The following ERC2 variants were observed in gnomAD, a reference collection of about 807,000 sequenced individuals.
ERC2 encodes the protein ELKS/RAB6-interacting/CAST family member 2, also known as ERC protein 2.
ERC2 carries 42 observed loss-of-function variants against 114.8 expected under a neutral mutation model. The observed-to-expected ratio is 0.37, with a 90% CI of 0.29 to 0.47. The LOEUF is 0.47. Ranked by LOEUF, ERC2 falls within the 20% of genes least tolerant of loss-of-function variation. The pLI is 0.99. For missense variants in ERC2, 939 were observed against 1,150.7 expected (o/e 0.82, Z 2.66); for synonymous variants, 454 against 425.5 (o/e 1.07, Z -0.82).
chr3:55,973,185 T>C (rs949195707), intron 12 of ERC2, among the ~76,000 whole-genome samples: 1 of 152,164 alleles, frequency 6.6e-6, no homozygotes, highest in Admixed American at 6.5e-5. Context: ...TGTGACTCTC[T>C]GGAGGCTACT....
intron 6 of ERC2, among the ~76,000 whole-genome samples, chr3:56,087,359 A>C (rs2077559043): frequency 6.6e-6 from 1 of 152,196 alleles, no homozygotes; most frequent in African/African-American, 2.4e-5. Context: ...CCAAAATCAG[A>C]GTTAAGCATT....
chr3:56,318,029 A>G (rs1475542820), intron 2 of ERC2, among the ~76,000 whole-genome samples: 1 of 152,196 alleles, frequency 6.6e-6, no homozygotes, highest in African/African-American at 2.4e-5. Flanking sequence ...TCTGTTTCTC[A>G]TTGTTATAGC....
At chr3:55,567,787 C>T (rs2107509535) in intron 17 of ERC2, among the ~76,000 whole-genome samples, 1 of 152,254 alleles carries the variant, frequency 6.6e-6, no homozygotes, top group East Asian at 1.9e-4. Flanking sequence ...TTAGAGTCAT[C>T]ACCCATGAAG....
chr3:56,429,304 A>G lies in ERC2; in HGVS notation c.657+5047T>C, dbSNP rs116273335. On this transcript the variant is annotated intron_variant, in intron 2 of 17. Coordinates refer to ENST00000288221, the MANE Select transcript of ERC2 (RefSeq NM_015576.3). ...AACACCTATCCCAACAGCACAGGCC[A>G]CTAAAAATAATAAGGGGCTACCTCG... Among the ~76,000 whole-genome samples the G allele has an allele frequency of 3.2e-3, 490 of 152,302 alleles. 7 individuals carry two copies. The highest frequency in any genetic ancestry group is 0.011 in the African/African-American group (455 of 41,556).
chr3:55,649,386 G>A (rs1429332211), intron 17 of ERC2, among the ~76,000 whole-genome samples: 2 of 150,740 alleles, frequency 1.3e-5, no homozygotes, highest in South Asian at 2.1e-4. Context: ...TCAGCCTCCC[G>A]AGTAGCTGGG....
At chr3:55,808,698 ATT>A (rs1442046994) in intron 14 of ERC2, among the ~76,000 whole-genome samples, 9 of 63,236 alleles carry the variant, frequency 1.4e-4, no homozygotes, top group South Asian at 1.4e-3. Flanking sequence ...TTATACCATA[ATT>A]TTATATATAT....
At chr3:56,185,747 C>T (rs990366503) in intron 3 of ERC2, among the ~76,000 whole-genome samples, 1 of 152,106 alleles carries the variant, frequency 6.6e-6, no homozygotes, top group Non-Finnish European at 1.5e-5. Flanking sequence ...GCAAAAGAGG[C>T]TTTGTATTTG....
At chr3:55,577,992 C>T (rs966408088) in intron 17 of ERC2, among the ~76,000 whole-genome samples, 3 of 152,188 alleles carry the variant, frequency 2.0e-5, no homozygotes, top group African/African-American at 7.2e-5. Context: ...GCCCCCACTG[C>T]AGGGAGCTCA....
intron 17 of ERC2, among the ~76,000 whole-genome samples, chr3:55,549,758 A>T (rs1007969994): frequency 1.3e-5 from 2 of 151,944 alleles, no homozygotes; most frequent in African/African-American, 4.8e-5. Context: ...CTTTCTAAAT[A>T]TAGGCTTAAT....
rs1349688957 is a variant in ERC2, at chr3:56,329,710, AACTTT to A, written c.658-33280_658-33276del. ...CAGATGGAGACCTAATCACAGGAAC[AACTTT>A]AGACACATTTTGATTAAGTACTAAT... On this transcript the variant is annotated intron_variant, in intron 2 of 17. Transcript: ENST00000288221. 2.0e-5 allele frequency among the ~76,000 whole-genome samples: 3 copies of A among 152,110 alleles called. No individual in the cohort carries two copies. In the East Asian group the frequency reaches 5.8e-4, roughly 29 times the overall value.
At chr3:55,575,944 C>A (rs2107541088) in intron 17 of ERC2, among the ~76,000 whole-genome samples, 1 of 152,314 alleles carries the variant, frequency 6.6e-6, no homozygotes, top group South Asian at 2.1e-4. Context: ...AACTGAAACT[C>A]AGAGAGGCTG....
intron 2 of ERC2, among the ~76,000 whole-genome samples, chr3:56,381,166 C>G (rs1205381996): frequency 6.6e-6 from 1 of 152,088 alleles, no homozygotes; most frequent in Non-Finnish European, 1.5e-5. Context: ...AGGAAGTCTA[C>G]TTTTTAAAGA....
At chr3:55,974,534 T>C (rs1322787961) in intron 12 of ERC2, among the ~76,000 whole-genome samples, 4 of 152,242 alleles carry the variant, frequency 2.6e-5, no homozygotes, top group Non-Finnish European at 4.4e-5. Flanking sequence ...AAATGATTCC[T>C]GGAACAGGCA....
chr3:55,535,163 C>A (rs1474708067), intron 17 of ERC2, among the ~76,000 whole-genome samples: 7 of 152,206 alleles, frequency 4.6e-5, no homozygotes, highest in Non-Finnish European at 7.3e-5. Flanking sequence ...TCCCAACCAG[C>A]TTTCCAAGTG....
intron 13 of ERC2, among the ~76,000 whole-genome samples, chr3:55,907,947 CAG>C (rs1446126751): frequency 6.6e-6 from 1 of 152,094 alleles, no homozygotes. Flanking sequence ...CAGGGAGGAG[CAG>C]AGTGTTAGAG....
chr3:56,171,344 G>T (rs974232375), intron 4 of ERC2, among the ~76,000 whole-genome samples: 4 of 152,146 alleles, frequency 2.6e-5, no homozygotes, highest in Non-Finnish European at 4.4e-5. Flanking sequence ...CTCAATTTAG[G>T]TATGTTGAGG....
chr3:56,260,082 A>G (rs2150258248), intron 3 of ERC2, among the ~76,000 whole-genome samples: 1 of 152,290 alleles, frequency 6.6e-6, no homozygotes, highest in African/African-American at 2.4e-5. Context: ...ACAGAGTCTG[A>G]ACTTTTCATA....
chr3:56,326,924 G>C (rs528208476), intron 2 of ERC2, among the ~76,000 whole-genome samples: 1 of 152,260 alleles, frequency 6.6e-6, no homozygotes, highest in African/African-American at 2.4e-5. Flanking sequence ...GGGGATCCCT[G>C]GCCCATCAAA....
At chr3:55,855,548 G>C (rs1420739145) in intron 14 of ERC2, among the ~76,000 whole-genome samples, 1 of 152,154 alleles carries the variant, frequency 6.6e-6, no homozygotes, top group Non-Finnish European at 1.5e-5. Context: ...TGGTAGGGGG[G>C]GATGATTTAC....
Sources: allele counts gnomAD v4.1 joint callset (sites outside exome capture counted in the v4.1 genomes callset), GRCh38; gene constraint gnomAD v4.1.1; transcripts MANE v1.5; gene names NCBI Gene and HGNC (gene_info 2026-07-23, HGNC 2026-07-21).